MRPS6: variants seen among roughly 807,000 people sequenced by gnomAD.
MRPS6 encodes mitochondrial ribosomal protein S6.
A neutral mutation model predicts 13.1 loss-of-function variants in MRPS6; 6 were observed. That is an observed-to-expected ratio of 0.46 (90% CI 0.25 to 0.91). The LOEUF (loss-of-function observed/expected upper bound fraction) is 0.91, where lower values mean the gene tolerates loss of function less well. Ranked by LOEUF, MRPS6 falls within the 40% of genes least tolerant of loss-of-function variation. The pLI, the probability that MRPS6 is intolerant of heterozygous loss-of-function variation, is 0.18. For missense variants in MRPS6, 164 were observed against 155.6 expected, an observed-to-expected ratio of 1.05 and a Z score of -0.29; for synonymous variants, 61 against 56.5, an observed-to-expected ratio of 1.08 and a Z score of -0.36.
At chr21:34,102,122 T>G (rs1979264746) in intron 1 of MRPS6, 2 of 1,000,158 alleles carry the variant, frequency 2.0e-6, no homozygotes, top group African/African-American at 3.5e-5. Flanking sequence ...TCAAGGTCAC[T>G]TAATATGGAA....
intron 2 of MRPS6, among the ~76,000 whole-genome samples, chr21:34,132,395 G>A (rs1394672086): frequency 6.6e-6 from 1 of 152,228 alleles, no homozygotes; most frequent in Non-Finnish European, 1.5e-5. Flanking sequence ...AGCATGAGAT[G>A]CCAGTCACCA....
intron 1 of MRPS6, among the ~76,000 whole-genome samples, chr21:34,115,609 CTGGA>C (rs1979868117): frequency 1.3e-5 from 2 of 152,174 alleles, no homozygotes; most frequent in South Asian, 4.1e-4. Flanking sequence ...TGTTAAAAGC[CTGGA>C]TGGACACGGA....
chr21:34,103,583 G>T (rs550973632), intron 1 of MRPS6: 1 of 1,000,144 alleles, frequency 1.0e-6, no homozygotes, highest in South Asian at 4.7e-5. Context: ...ACAAAATCGT[G>T]TTCACACATT....
chr21:34,094,211 T>C (rs561411340), intron 1 of MRPS6, among the ~76,000 whole-genome samples: 94 of 152,324 alleles, frequency 6.2e-4, no homozygotes, highest in African/African-American at 2.3e-3. Context: ...TTGTGTGGAA[T>C]GTCGTGTTTC....
chr21:34,079,602 ATTTTTTTTTTTTT>A (rs398036389), intron 1 of MRPS6, among the ~76,000 whole-genome samples: 7 of 43,680 alleles, frequency 1.6e-4, no homozygotes, highest in Admixed American at 6.7e-4. Context: ...GACCCAGCTA[ATTTTTTTTTTTTT>A]TTTTTTTTTT....
At chr21:34,115,919 C>T (rs1409658662) in intron 1 of MRPS6, among the ~76,000 whole-genome samples, 3 of 150,162 alleles carry the variant, frequency 2.0e-5, no homozygotes, top group Non-Finnish European at 4.4e-5. Flanking sequence ...TCTACATAGT[C>T]CTTTTTTTTT....
At chr21:34,074,926 C>T (rs1236534274) in intron 1 of MRPS6, among the ~76,000 whole-genome samples, 1 of 152,150 alleles carries the variant, frequency 6.6e-6, no homozygotes, top group African/African-American at 2.4e-5. Context: ...GACGCCAGTG[C>T]CTCTCTATGA....
At chr21:34,087,891 C>T (rs936848045) in intron 1 of MRPS6, among the ~76,000 whole-genome samples, 5 of 152,186 alleles carry the variant, frequency 3.3e-5, no homozygotes, top group Non-Finnish European at 7.4e-5. Context: ...ACAGGCTTTG[C>T]TGATGGATTG....
At position 34,104,865 on chromosome 21, in the gene MRPS6, AC is replaced by A. The variant is rs763858873; in HGVS notation, c.46-20475del. The A allele has an allele frequency of 5.1e-4, 513 of 1,000,202 alleles. 1 individual carries two copies. The highest frequency in any genetic ancestry group is 6.0e-4 in the Non-Finnish European group (497 of 829,908). 62.0% of individuals were successfully genotyped at this position (1,000,202 alleles called of 1,614,324 possible). On this transcript the variant is annotated intron_variant, in intron 1 of 2. Coordinates refer to ENST00000399312, the MANE Select transcript of MRPS6 (RefSeq NM_032476.4). ...ATTTAAGATAGTTTGTAAGAACTGT[AC>A]AAAAAAATGCTTCTGGAGATTTCTT...
chr21:34,091,418 A>G (rs2148657725), intron 1 of MRPS6, among the ~76,000 whole-genome samples: 1 of 152,276 alleles, frequency 6.6e-6, no homozygotes, highest in South Asian at 2.1e-4. Context: ...TAGTTCCAGA[A>G]TAAGTTTCTG....
chr21:34,127,823 A>G lies in MRPS6; in HGVS notation c.185+2343A>G, dbSNP rs553005493. ...GTTAGAAACATGTAATAAGTGGATT[A>G]TGTACTGGGAGACTTGCTTTTCTGA... On this transcript the variant is annotated intron_variant, in intron 2 of 2. Coordinates refer to ENST00000399312, the MANE Select transcript of MRPS6 (RefSeq NM_032476.4). Among the ~76,000 whole-genome samples the G allele has an allele frequency of 3.9e-5, 6 of 152,362 alleles. No individual in the cohort carries two copies. In the South Asian group the frequency reaches 1.2e-3, roughly 32 times the overall value.
intron 1 of MRPS6, among the ~76,000 whole-genome samples, chr21:34,093,238 ATTT>A (rs761174952): frequency 1.5e-5 from 2 of 130,212 alleles, no homozygotes; most frequent in Admixed American, 7.7e-5. Flanking sequence ...AACTTTTAAG[ATTT>A]TTTTTTTTTT....
intron 1 of MRPS6, chr21:34,104,627 C>T (rs2148662730): frequency 1.0e-6 from 1 of 1,000,140 alleles, no homozygotes; most frequent in Non-Finnish European, 1.2e-6. Flanking sequence ...AGAGATTATT[C>T]TTGCCAGCAA....
chr21:34,082,551 G>T (rs749265760), intron 1 of MRPS6, among the ~76,000 whole-genome samples: 3 of 152,122 alleles, frequency 2.0e-5, no homozygotes, highest in East Asian at 3.9e-4. Flanking sequence ...TGCTCAGAGT[G>T]TATCTGTGGA....
intron 1 of MRPS6, chr21:34,105,319 T>A: frequency 1.0e-6 from 1 of 1,000,038 alleles, no homozygotes; most frequent in Non-Finnish European, 1.2e-6. Context: ...TTTTTCTTTT[T>A]GATAAGATGG....
intron 1 of MRPS6, among the ~76,000 whole-genome samples, chr21:34,113,374 A>G (rs1215845184): frequency 6.6e-6 from 1 of 152,222 alleles, no homozygotes; most frequent in East Asian, 1.9e-4. Flanking sequence ...CATACACAAT[A>G]GAATACTCTT....
chr21:34,120,432 C>T (rs1157258960), intron 1 of MRPS6, among the ~76,000 whole-genome samples: 1 of 152,170 alleles, frequency 6.6e-6, no homozygotes, highest in Non-Finnish European at 1.5e-5. Flanking sequence ...GATTCTAGTC[C>T]ACTCTTGGAA....
rs1297833410 is a variant in MRPS6 at position 34,142,697 on chromosome 21, A to G, written c.*97A>G. 9.6e-6 allele frequency: 13 copies of G among 1,360,140 alleles called. No homozygotes were observed. The South Asian group carries it at 1.9e-4, about 20-fold the overall frequency. 84.3% of individuals were successfully genotyped at this position (1,360,140 alleles called of 1,614,324 possible). A position where few individuals can be genotyped will look rare whatever the true frequency, so the allele number is the denominator to read the frequency against. On this transcript the variant is annotated 3_prime_UTR_variant, in exon 3 of 3. Coordinates refer to ENST00000399312, the MANE Select transcript of MRPS6 (RefSeq NM_032476.4). ...TTGCAAGTTTGGCCTTTATATAAGC[A>G]TGTGTTGCAGGTGCTGTTTGATTTT...
chr21:34,134,788 T>C (rs1262764980), intron 2 of MRPS6, among the ~76,000 whole-genome samples: 1 of 151,892 alleles, frequency 6.6e-6, no homozygotes, highest in Non-Finnish European at 1.5e-5. Flanking sequence ...CCAGTCTGTT[T>C]TTCACTCTCA....
Sources: gnomAD v4.1 joint callset for allele counts (sites outside exome capture counted in the v4.1 genomes callset) on GRCh38, gnomAD v4.1.1 for gene constraint, MANE v1.5 for transcripts, NCBI Gene and HGNC (gene_info 2026-07-23, HGNC 2026-07-21) for gene names.